PRKCI: variants seen among roughly 807,000 people sequenced by gnomAD.
PRKCI encodes the protein protein kinase C iota type.
In PRKCI, 43 loss-of-function variants were observed where a neutral mutation model predicts 84.0. The observed-to-expected ratio is 0.51, with a 90% confidence interval of 0.40 to 0.66. The LOEUF is 0.66. Among genes scored for constraint, PRKCI ranks in the 30% least tolerant of loss-of-function variants. The pLI is 0.00. For synonymous variants in PRKCI, 216 were observed against 234.4 expected, an observed-to-expected ratio of 0.92 and a Z score of 0.72; for missense variants, 459 against 745.6, an observed-to-expected ratio of 0.62 and a Z score of 4.48.
At chr3:170,279,550 C>T (rs1040160160) in intron 8 of PRKCI, among the ~76,000 whole-genome samples, 2 of 152,180 alleles carry the variant, frequency 1.3e-5, no homozygotes, top group African/African-American at 2.4e-5. Flanking sequence ...TCAGGCTTCT[C>T]TGTAAATTGC....
chr3:170,222,563 C>A lies in PRKCI; in HGVS notation c.-107C>A. The stretch of plus-strand genomic sequence containing the variant: ...CGGGCGAGGTGGGCAGGTAGGTGGG[C>A]GGACGGCCGCGGTTCTCCGGCAAGC... On this transcript the variant is annotated 5_prime_UTR_variant, in exon 1 of 18. Coordinates refer to ENST00000295797, the MANE Select transcript of PRKCI (RefSeq NM_002740.6). 2 of 984,426 alleles carry A rather than the reference C, an allele frequency of 2.0e-6. No homozygotes were observed. The highest frequency in any genetic ancestry group is 2.9e-6 in the Non-Finnish European group (2 of 697,220). 61.0% of individuals were successfully genotyped at this position (984,426 alleles called of 1,614,324 possible).
chr3:170,265,879 C>T (rs1407860748), intron 4 of PRKCI, among the ~76,000 whole-genome samples: 2 of 152,084 alleles, frequency 1.3e-5, no homozygotes, highest in Admixed American at 1.3e-4. Flanking sequence ...CCTCGGCCTC[C>T]CAAAGTGCTG....
chr3:170,281,267 A>C lies in PRKCI; in HGVS notation c.980+4A>C. 6.2e-7 allele frequency: 1 copy of C among 1,610,874 alleles called. No individual in the cohort carries two copies. Among genetic ancestry groups the C allele is most frequent in the Non-Finnish European group, 8.5e-7 (1 of 1,177,244 alleles). On this transcript the variant is annotated splice_donor_region_variant and intron_variant, in intron 10 of 17. Transcript: ENST00000295797. ...CTTGCTTTCAGACAGAAAGCAGGTA[A>C]GATTGAAAGATAGTAGAATGATTAC...
intron 12 of PRKCI, among the ~76,000 whole-genome samples, 153 bp downstream of exon 12, chr3:170,284,749 T>C (rs1010554756): frequency 6.6e-6 from 1 of 152,240 alleles, no homozygotes; most frequent in African/African-American, 2.4e-5. Flanking sequence ...TGTACTTTTT[T>C]TCTAACCATT....
chr3:170,274,501 C>G (rs1212899991), intron 7 of PRKCI, among the ~76,000 whole-genome samples: 1 of 152,048 alleles, frequency 6.6e-6, no homozygotes. Flanking sequence ...TAGAGAGATG[C>G]AATATAGGAA....
intron 7 of PRKCI, among the ~76,000 whole-genome samples, chr3:170,274,812 A>G (rs1479884268): frequency 6.6e-6 from 1 of 152,198 alleles, no homozygotes; most frequent in Non-Finnish European, 1.5e-5. Flanking sequence ...AATTCTGAGT[A>G]CAATGGAGTG....
chr3:170,250,962 T>G (rs1301116865), intron 2 of PRKCI, among the ~76,000 whole-genome samples: 1 of 152,154 alleles, frequency 6.6e-6, no homozygotes, highest in Non-Finnish European at 1.5e-5. Flanking sequence ...ATATCAATAC[T>G]AAGACTTATA....
Position 170,305,427 on chromosome 3 carries a change from TTTAAG to T in PRKCI, c.*2304_*2308del, listed in dbSNP as rs1208995350. ...ATTTAAAGCAAATTTTGAATGAATC[TTTAAG>T]TTAGGTATCTACCTTCCCACCAGCC... On this transcript the variant is annotated 3_prime_UTR_variant, in exon 18 of 18. Transcript: ENST00000295797. The T allele has an allele frequency of 3.3e-5, 5 of 152,632 alleles. No homozygotes were observed. The highest frequency in any genetic ancestry group is 7.3e-5 in the Non-Finnish European group (5 of 68,042). 9.5% of individuals were successfully genotyped at this position (152,632 alleles called of 1,614,324 possible).
chr3:170,246,019 A>T (rs1345660185), intron 2 of PRKCI, among the ~76,000 whole-genome samples: 1 of 131,124 alleles, frequency 7.6e-6, no homozygotes, highest in East Asian at 2.3e-4. Context: ...CAGTGGTGTG[A>T]TCATGGCTCA....
intron 1 of PRKCI, among the ~76,000 whole-genome samples, chr3:170,223,678 A>G (rs1732555842): frequency 6.6e-6 from 1 of 152,200 alleles, no homozygotes; most frequent in East Asian, 1.9e-4. Flanking sequence ...TAGTGTGACC[A>G]TAAAGGTTGG....
intron 12 of PRKCI, among the ~76,000 whole-genome samples, chr3:170,287,458 G>A (rs1424869539): frequency 6.6e-6 from 1 of 151,472 alleles, no homozygotes; most frequent in Non-Finnish European, 1.5e-5. Context: ...AGCATCACAC[G>A]TTGATTCTGT....
chr3:170,286,505 T>C (rs1734395471), intron 12 of PRKCI, among the ~76,000 whole-genome samples: 1 of 149,422 alleles, frequency 6.7e-6, no homozygotes, highest in Non-Finnish European at 1.5e-5. Context: ...TTTTTTTTTT[T>C]TTGCCTGTGA....
At chr3:170,289,918 G>C (rs1209547949) in intron 12 of PRKCI, among the ~76,000 whole-genome samples, 1 of 147,106 alleles carries the variant, frequency 6.8e-6, no homozygotes, top group Non-Finnish European at 1.5e-5. Context: ...CTTAAAAGAA[G>C]AAAAAAAAGC....
At chr3:170,249,421 G>A (rs1733380028) in intron 2 of PRKCI, among the ~76,000 whole-genome samples, 1 of 152,142 alleles carries the variant, frequency 6.6e-6, no homozygotes, top group Non-Finnish European at 1.5e-5. Context: ...GAGAGTGCGT[G>A]TGTGCGTTTA....
chr3:170,280,198 T>C, intron 8 of PRKCI, 29 bp from the exon 9 acceptor site: 11 of 1,589,082 alleles, frequency 6.9e-6, no homozygotes, highest in Non-Finnish European at 9.4e-6. Context: ...CATTTCCCAT[T>C]ATAACTCTGA....
intron 2 of PRKCI, among the ~76,000 whole-genome samples, chr3:170,240,331 C>T (rs528287718): frequency 2.2e-4 from 33 of 151,902 alleles, no homozygotes; most frequent in African/African-American, 7.7e-4. Context: ...AACAGATGCA[C>T]ATAGTAAATT....
chr3:170,299,810 C>A (rs980250404), intron 17 of PRKCI, among the ~76,000 whole-genome samples: 3 of 152,018 alleles, frequency 2.0e-5, no homozygotes, highest in Non-Finnish European at 4.4e-5. Context: ...GCACTGTTTC[C>A]CATTTGACAA....
chr3:170,225,923 T>A (rs1226083650), intron 1 of PRKCI, among the ~76,000 whole-genome samples: 1 of 151,960 alleles, frequency 6.6e-6, no homozygotes. Flanking sequence ...TATTTATTTA[T>A]TTTTTTGGAG....
chr3:170,281,365 A>ATTATATATCCATGATATCAT, intron 10 of PRKCI, 102 bp downstream of exon 10: 1 of 860,030 alleles, frequency 1.2e-6, no homozygotes, highest in Non-Finnish European at 1.9e-6. Context: ...GATATCATGG[A>ATTATATATCCATGATATCAT]GGATGCAACA....
Sources: gnomAD v4.1 joint callset for allele counts (sites outside exome capture counted in the v4.1 genomes callset) on GRCh38, gnomAD v4.1.1 for gene constraint, MANE v1.5 for transcripts, NCBI Gene and HGNC (gene_info 2026-07-23, HGNC 2026-07-21) for gene names.